CLNK: variants seen among roughly 807,000 people sequenced by gnomAD.
CLNK encodes the protein cytokine-dependent hematopoietic cell linker.
In CLNK, 74 loss-of-function variants were observed where a neutral mutation model predicts 68.6. The ratio of observed to expected loss-of-function variants is 1.08; its 90% CI spans 0.89 to 1.31. CLNK has a LOEUF of 1.31. CLNK is among the 50% of genes most tolerant of loss of function. CLNK has a pLI of 0.00. For missense variants in CLNK, 553 were observed against 515.3 expected, an observed-to-expected ratio of 1.07 and a Z score of -0.71; for synonymous variants, 198 against 172.2, an observed-to-expected ratio of 1.15 and a Z score of -1.17.
the CLNK span, among the ~76,000 whole-genome samples, chr4:10,724,269 C>T: frequency 3.3e-5 from 5 of 152,138 alleles, no homozygotes; most frequent in African/African-American, 1.2e-4. Context: ...TGGATACCTG[C>T]ATGGATAACT....
At chr4:10,507,810 C>T (rs1003883407) in intron 17 of CLNK, 149 bp downstream of exon 17, 7 of 634,944 alleles carry the variant, frequency 1.1e-5, no homozygotes, top group South Asian at 2.0e-5. Flanking sequence ...ATGCCCTTTT[C>T]GACTACAGCC....
chr4:10,658,364 G>T (rs1724060419), intron 2 of CLNK, among the ~76,000 whole-genome samples: 1 of 152,188 alleles, frequency 6.6e-6, no homozygotes, highest in Non-Finnish European at 1.5e-5. Context: ...TGATGATATA[G>T]CCAGCCGACA....
the CLNK span, among the ~76,000 whole-genome samples, chr4:10,702,378 T>G: frequency 6.6e-6 from 1 of 152,020 alleles, no homozygotes; most frequent in Non-Finnish European, 1.5e-5. Context: ...ATGGCCAGTT[T>G]AGATGGGCTG....
At chr4:10,654,730 A>G (rs1267603010) in intron 2 of CLNK, among the ~76,000 whole-genome samples, 1 of 152,150 alleles carries the variant, frequency 6.6e-6, no homozygotes, top group East Asian at 1.9e-4. Flanking sequence ...TCAAAAATAT[A>G]CACTACCAAC....
intron 2 of CLNK, among the ~76,000 whole-genome samples, chr4:10,643,719 AAAATAC>A (rs1723404667): frequency 1.3e-5 from 2 of 152,262 alleles, no homozygotes; most frequent in Non-Finnish European, 2.9e-5. Context: ...AGTTTATGCC[AAAATAC>A]CAATTCAGTT....
chr4:10,714,683 GGTGT>G, the CLNK span, among the ~76,000 whole-genome samples: 42,523 of 148,470 alleles, frequency 0.29, 5,995 homozygotes, highest in Non-Finnish European at 0.3. Context: ...CATTCATTGT[GGTGT>G]GTGTGTGTGT....
intron 2 of CLNK, among the ~76,000 whole-genome samples, chr4:10,641,628 G>A (rs548020076): frequency 6.6e-6 from 1 of 152,158 alleles, no homozygotes; most frequent in Non-Finnish European, 1.5e-5. Context: ...CTCTTCTTCT[G>A]AATGAATAAG....
At chr4:10,510,044 C>G (rs1717506252) in intron 16 of CLNK, among the ~76,000 whole-genome samples, 1 of 152,168 alleles carries the variant, frequency 6.6e-6, no homozygotes, top group African/African-American at 2.4e-5. Flanking sequence ...AGTCCAGGGA[C>G]TTGGAAGAAC....
At chr4:10,637,423 G>C (rs530789065) in intron 2 of CLNK, among the ~76,000 whole-genome samples, 74 of 141,280 alleles carry the variant, frequency 5.2e-4, no homozygotes, top group African/African-American at 1.8e-3. Context: ...TATGTGATAA[G>C]CAACAATAAA....
intron 2 of CLNK, among the ~76,000 whole-genome samples, chr4:10,640,379 T>C (rs538205560): frequency 6.6e-6 from 1 of 152,336 alleles, no homozygotes; most frequent in African/African-American, 2.4e-5. Flanking sequence ...TTGGCCAGGC[T>C]GGTCTCGAAC....
chr4:10,624,669 A>G (rs1336040514), intron 2 of CLNK, among the ~76,000 whole-genome samples: 1 of 145,538 alleles, frequency 6.9e-6, no homozygotes, highest in Non-Finnish European at 1.5e-5. Flanking sequence ...AGGACTTCTC[A>G]GGATGTCTCA....
chr4:10,519,667 A>T (rs1717979415), intron 15 of CLNK, among the ~76,000 whole-genome samples: 1 of 152,238 alleles, frequency 6.6e-6, no homozygotes, highest in South Asian at 2.1e-4. Flanking sequence ...CCCAGATGGC[A>T]TATGGCAGAA....
chr4:10,678,543 AAAAT>A (rs1202020109), intron 1 of CLNK, among the ~76,000 whole-genome samples: 1 of 152,218 alleles, frequency 6.6e-6, no homozygotes, highest in African/African-American at 2.4e-5. Flanking sequence ...TGAATAATAA[AAAAT>A]AAATAAGAAT....
Position 10,501,308 on chromosome 4 carries a change from A to T in CLNK, c.1088T>A (p.Phe363Tyr), listed in dbSNP as rs1717037001. ...ENKVYNVKIR[F>Y]LERNQQFALG... is the part of the protein sequence containing the mutation. ...GGCAAACTGCTGATTCCTCTCCAGGAAGCGTATTTTTACATTGTAGACTTT... is the reference window on the plus strand; with the variant it reads ...GGCAAACTGCTGATTCCTCTCCAGGTAGCGTATTTTTACATTGTAGACTTT... The change falls in exon 18 of 19, where the codon TTC becomes TAC. Residue 363 changes from phenylalanine (F) to tyrosine (Y), a missense_variant. Physicochemically the swap from Phe to Tyr is conservative, Grantham distance 22 (BLOSUM62 3). Coordinates refer to ENST00000226951, the MANE Select transcript of CLNK (RefSeq NM_052964.4). The T allele has an allele frequency of 1.9e-6, 3 of 1,607,694 alleles. No individual in the cohort carries two copies. In the Admixed American group the frequency reaches 5.1e-5, roughly 28 times the overall value.
chr4:10,527,933 ATCACG>A (rs1421802306), intron 13 of CLNK, 138 bp downstream of exon 13: 2 of 388,450 alleles, frequency 5.1e-6, no homozygotes, highest in African/African-American at 4.1e-5. Flanking sequence ...GTGCATCAGG[ATCACG>A]TCATCGTTCA....
intron 2 of CLNK, among the ~76,000 whole-genome samples, chr4:10,649,567 G>T (rs1284645666): frequency 6.6e-6 from 1 of 152,120 alleles, no homozygotes; most frequent in African/African-American, 2.4e-5. Flanking sequence ...GCCCACCTGT[G>T]TGTAAAACTG....
At chr4:10,719,171 A>G in the CLNK span, among the ~76,000 whole-genome samples, 1 of 152,194 alleles carries the variant, frequency 6.6e-6, no homozygotes, top group Non-Finnish European at 1.5e-5. Context: ...AACAGAAAAT[A>G]AAATAGCAAT....
At chr4:10,528,424 A>G (rs1008856970) in intron 12 of CLNK, among the ~76,000 whole-genome samples, 1 of 152,052 alleles carries the variant, frequency 6.6e-6, no homozygotes, top group African/African-American at 2.4e-5. Flanking sequence ...CATTGATGAG[A>G]CTCCTTTTCT....
chr4:10,681,046 C>A (rs1264932576), intron 1 of CLNK, among the ~76,000 whole-genome samples: 1 of 152,092 alleles, frequency 6.6e-6, no homozygotes, highest in Non-Finnish European at 1.5e-5. Context: ...TTTCCAGGTG[C>A]CTGCCAAGGC....
Sources: gnomAD v4.1 joint callset for allele counts (sites outside exome capture counted in the v4.1 genomes callset) on GRCh38, gnomAD v4.1.1 for gene constraint, MANE v1.5 for transcripts, NCBI Gene and HGNC (gene_info 2026-07-23, HGNC 2026-07-21) for gene names.